PCP4L1: variants seen among roughly 807,000 people sequenced by gnomAD.
PCP4L1 encodes the protein Purkinje cell protein 4 like 1.
In PCP4L1, 9 loss-of-function variants were observed where a neutral mutation model predicts 9.6. The observed-to-expected ratio is 0.94, with a 90% CI of 0.57 to 1.64. The LOEUF is 1.64. Ranked by LOEUF, PCP4L1 falls within the 40% of genes most tolerant of loss-of-function variation. PCP4L1 has a pLI of 0.00. For synonymous variants in PCP4L1, 31 were observed against 28.2 expected, an observed-to-expected ratio of 1.10 and a Z score of -0.31; for missense variants, 81 against 80.8, an observed-to-expected ratio of 1.00 and a Z score of -0.01.
chr1:161,284,342 A>C lies in PCP4L1; in HGVS notation c.68A>C (p.Lys23Thr). The change falls in exon 3 of 3, where the codon AAA (lysine) becomes ACA (threonine). Residue 23 changes from lysine (K) to threonine (T), a missense_variant. Lys to Thr is a moderately conservative substitution (Grantham distance 78). Coordinates refer to ENST00000504449, the MANE Select transcript of PCP4L1 (RefSeq NM_001102566.2). The stretch of plus-strand genomic sequence containing the variant: ...TGAGTCTCCCAACTATCTGCAGGAA[A>C]AGCTGGCAATGTCAAGAAGGCGGAG... Reference protein sequence around the residue: ...NQAAGQEEKGKAGNVKKAEEE... With the variant: ...NQAAGQEEKGTAGNVKKAEEE... 6.2e-7 allele frequency: 1 copy of C among 1,614,014 alleles called. No individual in the cohort carries two copies. Among genetic ancestry groups the C allele is most frequent in the Non-Finnish European group, 8.5e-7 (1 of 1,179,898 alleles).
intron 1 of PCP4L1, among the ~76,000 whole-genome samples, chr1:161,275,903 C>A (rs1218188357): frequency 6.7e-6 from 1 of 149,940 alleles, no homozygotes; most frequent in Non-Finnish European, 1.5e-5. Flanking sequence ...TCAAGCAGTT[C>A]TCCTGCCCCA....
chr1:161,282,123 G>T (rs7540918), intron 1 of PCP4L1, among the ~76,000 whole-genome samples: 3 of 151,770 alleles, frequency 2.0e-5, no homozygotes, highest in Non-Finnish European at 2.9e-5. Flanking sequence ...ACAAGACTCC[G>T]TCTGCAATCC....
At chr1:161,269,868 G>A (rs1312452003) in intron 1 of PCP4L1, among the ~76,000 whole-genome samples, 2 of 152,112 alleles carry the variant, frequency 1.3e-5, no homozygotes, top group Non-Finnish European at 2.9e-5. Context: ...GTGTAGTGGT[G>A]TGTGGCTGTG....
At position 161,285,007 on chromosome 1, in the gene PCP4L1, G is replaced by A. The variant is rs1669884656; in HGVS notation, c.*526G>A. ...TTCCCCCTAGGCAGACCTAAATCAA[G>A]CAGCTTACCACAATAGTGCATGCTG... On this transcript the variant is annotated 3_prime_UTR_variant, in exon 3 of 3. Transcript: ENST00000504449. 6.3e-6 allele frequency: 1 copy of A among 158,030 alleles called. No homozygotes were observed. The highest frequency in any genetic ancestry group is 1.4e-5 in the Non-Finnish European group (1 of 71,200). 9.8% of individuals were successfully genotyped at this position (158,030 alleles called of 1,614,324 possible).
chr1:161,274,028 G>A (rs1026737097), intron 1 of PCP4L1, among the ~76,000 whole-genome samples: 2 of 152,136 alleles, frequency 1.3e-5, no homozygotes, highest in African/African-American at 4.8e-5. Context: ...CTTTGGGCAA[G>A]ATAACCTCTC....
chr1:161,282,990 C>G (rs1238691824), intron 1 of PCP4L1, among the ~76,000 whole-genome samples: 1 of 152,152 alleles, frequency 6.6e-6, no homozygotes, highest in African/African-American at 2.4e-5. Context: ...TTATGCAAAT[C>G]AGAGGTCTCC....
chr1:161,278,350 A>G (rs1235231607), intron 1 of PCP4L1, among the ~76,000 whole-genome samples: 1 of 151,896 alleles, frequency 6.6e-6, no homozygotes, highest in South Asian at 2.1e-4. Flanking sequence ...GTACCATTGC[A>G]AGACTCTCTT....
chr1:161,266,837 G>T (rs933658152), intron 1 of PCP4L1, among the ~76,000 whole-genome samples: 13 of 152,202 alleles, frequency 8.5e-5, no homozygotes, highest in Admixed American at 7.2e-4. Flanking sequence ...TGCACTGAAA[G>T]AATTGAAATG....
At chr1:161,259,053 G>A (rs16832733) in intron 1 of PCP4L1, 70 bp downstream of exon 1, 167,151 of 1,511,910 alleles carry the variant, frequency 0.11, 10,352 homozygotes, top group East Asian at 0.28. Context: ...CGGGATCCCA[G>A]GGAGGCGAGG....
chr1:161,280,044 C>T (rs1450605492), intron 1 of PCP4L1, among the ~76,000 whole-genome samples: 1 of 152,188 alleles, frequency 6.6e-6, no homozygotes, highest in Non-Finnish European at 1.5e-5. Context: ...AATTCATGAC[C>T]TCCTGCCTTA....
chr1:161,275,252 C>T (rs1054543027), intron 1 of PCP4L1, among the ~76,000 whole-genome samples: 1 of 152,064 alleles, frequency 6.6e-6, no homozygotes, highest in African/African-American at 2.4e-5. Context: ...TGTGGTGGCT[C>T]ACGTCTGTAA....
chr1:161,261,780 T>G (rs1304907881), intron 1 of PCP4L1, among the ~76,000 whole-genome samples: 1 of 152,230 alleles, frequency 6.6e-6, no homozygotes, highest in Non-Finnish European at 1.5e-5. Context: ...TCCTGTGTTT[T>G]GGCTGGCAGG....
intron 1 of PCP4L1, among the ~76,000 whole-genome samples, chr1:161,280,240 C>G (rs1274473970): frequency 2.6e-5 from 4 of 152,160 alleles, no homozygotes; most frequent in African/African-American, 9.7e-5. Context: ...TCCAAATGTT[C>G]CCTCTGCTTG....
intron 1 of PCP4L1, among the ~76,000 whole-genome samples, chr1:161,259,292 A>C (rs1417480878): frequency 5.9e-5 from 9 of 151,984 alleles, no homozygotes; most frequent in Non-Finnish European, 1.3e-4. Flanking sequence ...TGCCCCCTGC[A>C]TCTGTCTTAC....
At chr1:161,281,686 C>T (rs191567688) in intron 1 of PCP4L1, among the ~76,000 whole-genome samples, 60,988 of 138,872 alleles carry the variant, frequency 0.44, 14,164 homozygotes, top group East Asian at 0.62. Flanking sequence ...GGCTGCCGGG[C>T]GGAGGGGCTC....
chr1:161,260,329 T>C (rs1313735640), intron 1 of PCP4L1, among the ~76,000 whole-genome samples: 1 of 152,236 alleles, frequency 6.6e-6, no homozygotes, highest in African/African-American at 2.4e-5. Context: ...CAAAGTGGTT[T>C]CCAGTCCCTC....
intron 1 of PCP4L1, among the ~76,000 whole-genome samples, chr1:161,272,313 A>T (rs1002759557): frequency 1.3e-5 from 2 of 151,464 alleles, no homozygotes; most frequent in East Asian, 3.9e-4. Context: ...TAATCCCAGC[A>T]CTTTGGGAAG....
chr1:161,268,851 T>C (rs1243315144), intron 1 of PCP4L1, among the ~76,000 whole-genome samples: 1 of 152,152 alleles, frequency 6.6e-6, no homozygotes, highest in Non-Finnish European at 1.5e-5. Flanking sequence ...GCCCTGCCTT[T>C]TTACCTTTCA....
intron 1 of PCP4L1, among the ~76,000 whole-genome samples, chr1:161,266,337 T>C (rs1357300248): frequency 6.6e-6 from 1 of 152,168 alleles, no homozygotes; most frequent in African/African-American, 2.4e-5. Flanking sequence ...GGATGCACAT[T>C]GAAGATTATA....
Sources: gnomAD v4.1 joint callset for allele counts (sites outside exome capture counted in the v4.1 genomes callset) on GRCh38, gnomAD v4.1.1 for gene constraint, MANE v1.5 for transcripts, NCBI Gene and HGNC (gene_info 2026-07-23, HGNC 2026-07-21) for gene names.